DACH2: variants seen among roughly 807,000 people sequenced by gnomAD.
The protein encoded by DACH2 is dachshund homolog 2.
In DACH2, 17 loss-of-function variants were observed where a neutral mutation model predicts 35.8. The ratio of observed to expected loss-of-function variants is 0.48; its 90% CI spans 0.33 to 0.71. The LOEUF (loss-of-function observed/expected upper bound fraction) is 0.71. Among genes scored for constraint, DACH2 ranks in the 30% least tolerant of loss-of-function variants. DACH2 has a pLI of 0.02. For synonymous variants in DACH2, 195 were observed against 177.3 expected (o/e 1.10, Z -0.79); for missense variants, 469 against 472.7 (o/e 0.99, Z 0.07).
At chrX:86,149,833 T>C (rs2030301011) in intron 1 of DACH2, among the ~76,000 whole-genome samples, 1 of 112,284 alleles carries the variant, frequency 8.9e-6, no homozygotes, top group Non-Finnish European at 1.9e-5. Flanking sequence ...CGTTTTGGGT[T>C]ATCTGCAGAG....
chrX:86,481,217 A>T (rs2037930374), intron 2 of DACH2: 1 of 111,894 alleles, frequency 8.9e-6, no homozygotes, highest in Non-Finnish European at 1.9e-5. Flanking sequence ...TCTGTAATTC[A>T]TTGTTTATAT....
intron 5 of DACH2, among the ~76,000 whole-genome samples, chrX:86,713,388 T>G (rs892521017): frequency 1.9e-4 from 21 of 111,425 alleles, no homozygotes; most frequent in African/African-American, 6.8e-4. Flanking sequence ...TTCACTGATG[T>G]TCTTTTTCTG....
intron 7 of DACH2, among the ~76,000 whole-genome samples, chrX:86,799,381 C>T (rs188841397): frequency 1.1e-4 from 12 of 111,896 alleles, no homozygotes; most frequent in South Asian, 3.8e-4. Context: ...GGGGAAAATG[C>T]GACTTGGTGG....
chrX:86,688,032 A>G (rs1403386844), intron 4 of DACH2, among the ~76,000 whole-genome samples: 1 of 109,549 alleles, frequency 9.1e-6, no homozygotes, highest in African/African-American at 3.5e-5. Flanking sequence ...CCTAGAACTT[A>G]AAGTATAATA....
At chrX:86,739,093 C>A (rs915322442) in intron 6 of DACH2, among the ~76,000 whole-genome samples, 1 of 110,847 alleles carries the variant, frequency 9.0e-6, no homozygotes, top group Admixed American at 9.7e-5. Context: ...AGGCTGATAT[C>A]GAACTCCTGA....
intron 2 of DACH2, among the ~76,000 whole-genome samples, chrX:86,401,568 T>G (rs933850837): frequency 3.6e-5 from 4 of 111,615 alleles, no homozygotes; most frequent in African/African-American, 1.3e-4. Flanking sequence ...CTTTAAAAAC[T>G]GAAAGAATGG....
At chrX:86,809,939 C>T (rs1393670010) in intron 7 of DACH2, among the ~76,000 whole-genome samples, 1 of 110,883 alleles carries the variant, frequency 9.0e-6, no homozygotes, top group Non-Finnish European at 1.9e-5. Flanking sequence ...TGAATCATTG[C>T]CTGCATACCT....
chrX:86,602,668 T>C (rs1421230032), intron 3 of DACH2, among the ~76,000 whole-genome samples: 1 of 112,093 alleles, frequency 8.9e-6, no homozygotes, highest in African/African-American at 3.2e-5. Flanking sequence ...TGTCGAGATC[T>C]TTTGTCATAT....
intron 11 of DACH2, chrX:86,830,503 G>T (rs1272156899): frequency 1.8e-5 from 2 of 111,320 alleles, no homozygotes; most frequent in Non-Finnish European, 3.8e-5. Context: ...ATTCCTAATA[G>T]GCCTTGTAAG....
In DACH2 at chrX:86,353,994, A is replaced by C. The variant is rs1186344340; in HGVS notation, c.489-22830A>C. Among the ~76,000 whole-genome samples, 2 of 42,329 alleles carry C rather than the reference A, an allele frequency of 4.7e-5. 1 individual carries two copies. The highest frequency in any genetic ancestry group is 7.9e-5 in the Non-Finnish European group (2 of 25,269). The allele number at this position is 42,329 out of a possible 115,157, so 36.8% of individuals were successfully genotyped here. ...GTTTTCCAACTTGGTTCCATTCTCC[A>C]CATCACTTTCAGGTACACCAATCAG... On this transcript the variant is annotated intron_variant, in intron 1 of 11. Transcript: ENST00000373125.
At chrX:86,479,133 G>A (rs985365349) in intron 2 of DACH2, among the ~76,000 whole-genome samples, 4 of 111,113 alleles carry the variant, frequency 3.6e-5, no homozygotes, top group Non-Finnish European at 3.8e-5. Context: ...CAGAGACCAC[G>A]TCGTTTCGCT....
intron 4 of DACH2, among the ~76,000 whole-genome samples, chrX:86,681,544 C>T (rs2040880461): frequency 1.9e-5 from 2 of 108,003 alleles, no homozygotes; most frequent in Admixed American, 2.0e-4. Context: ...TGCACCACTG[C>T]ACTCCAGCCT....
intron 3 of DACH2, among the ~76,000 whole-genome samples, chrX:86,635,851 C>T (rs1015787084): frequency 8.1e-5 from 9 of 111,314 alleles, no homozygotes; most frequent in Non-Finnish European, 1.1e-4. Flanking sequence ...GTAGGAAGAA[C>T]TACTGAACAC....
intron 1 of DACH2, among the ~76,000 whole-genome samples, chrX:86,203,375 C>A (rs2032204739): frequency 1.8e-5 from 2 of 111,462 alleles, no homozygotes; most frequent in African/African-American, 6.5e-5. Context: ...GCTGAGAATG[C>A]TGATGCTTAA....
chrX:86,791,290 C>T (rs919984407), intron 7 of DACH2, among the ~76,000 whole-genome samples: 73 of 111,610 alleles, frequency 6.5e-4, no homozygotes, highest in African/African-American at 2.3e-3. Flanking sequence ...ACCTAGTTCA[C>T]ACTAAGCATA....
At position 86,402,928 on chromosome X, in the gene DACH2, G is replaced by T. The variant is rs759116647; in HGVS notation, c.527+26066G>T. 3.5e-4 allele frequency among the ~76,000 whole-genome samples: 39 copies of T among 111,896 alleles called. 1 individual carries two copies. Among genetic ancestry groups the T allele is most frequent in the African/African-American group, 1.1e-3 (35 of 30,828 alleles). On this transcript the variant is annotated intron_variant, in intron 2 of 11. Coordinates refer to ENST00000373125, the MANE Select transcript of DACH2 (RefSeq NM_053281.3). ...TTTAAGGCTGACAAAAATAAGCAAA[G>T]GGGAAAGGACTTCCTATCCAATAAA...
At chrX:86,667,982 A>T (rs957014236) in intron 4 of DACH2, among the ~76,000 whole-genome samples, 2 of 112,208 alleles carry the variant, frequency 1.8e-5, no homozygotes, top group Non-Finnish European at 3.8e-5. Context: ...TGCACATTTC[A>T]CTGAAGGAAA....
Position 86,163,928 on chromosome X carries a change from G to A in DACH2, c.488+14820G>A, listed in dbSNP as rs150356359. Among the ~76,000 whole-genome samples, 563 of 111,038 alleles carry A rather than the reference G, an allele frequency of 5.1e-3. 5 individuals are homozygous for A. The highest frequency in any genetic ancestry group is 0.016 in the African/African-American group (502 of 30,580). ...TTTATAATAAAACAGATTATATTCC[G>A]TTGGTTATATACCCAGTACTGGGAT... On this transcript the variant is annotated intron_variant, in intron 1 of 11. Transcript: ENST00000373125.
chrX:86,396,239 GT>G (rs1310032228), intron 2 of DACH2, among the ~76,000 whole-genome samples: 1 of 107,589 alleles, frequency 9.3e-6, no homozygotes, highest in African/African-American at 3.4e-5. Flanking sequence ...GGGGTTGTTT[GT>G]TTTTTTCTTG....
Sources: gnomAD v4.1 joint callset for allele counts (sites outside exome capture counted in the v4.1 genomes callset) on GRCh38, gnomAD v4.1.1 for gene constraint, MANE v1.5 for transcripts, NCBI Gene and HGNC (gene_info 2026-07-23, HGNC 2026-07-21) for gene names.